The following CCSER1 variants were observed in gnomAD, a reference collection of about 807,000 sequenced individuals.
CCSER1 encodes the protein coiled-coil serine rich protein 1.
A neutral mutation model predicts 82.0 loss-of-function variants in CCSER1; 41 were observed. The observed-to-expected ratio is 0.50, with a 90% CI of 0.39 to 0.65. CCSER1 has a LOEUF of 0.65. CCSER1 is among the 30% of genes least tolerant of loss of function. The probability of loss-of-function intolerance (pLI) is 0.00; values close to 1 mark genes in which losing one functional copy is unlikely to be tolerated. For missense variants in CCSER1, 1,119 were observed against 1,064.2 expected (o/e 1.05, Z -0.72); for synonymous variants, 414 against 383.9 (o/e 1.08, Z -0.92).
At chr4:90,371,415 T>C in intron 3 of CCSER1, among the ~76,000 whole-genome samples, 1 of 152,104 alleles carries the variant, frequency 6.6e-6, no homozygotes, top group East Asian at 1.9e-4. Context: ...TGCCTTAAGA[T>C]ATGACATATT....
At chr4:90,710,272 TG>T (rs1342611829) in intron 6 of CCSER1, among the ~76,000 whole-genome samples, 3 of 152,046 alleles carry the variant, frequency 2.0e-5, no homozygotes, top group African/African-American at 7.2e-5. Context: ...GATAGTTTTT[TG>T]TTGTTGTTGT....
intron 5 of CCSER1, among the ~76,000 whole-genome samples, chr4:90,493,202 C>A (rs906177236): frequency 1.3e-5 from 2 of 151,930 alleles, no homozygotes; most frequent in African/African-American, 2.4e-5. Context: ...AGTGAGAAGA[C>A]AAGTTTAGAG....
At chr4:90,248,547 T>C (rs1246933718) in intron 1 of CCSER1, among the ~76,000 whole-genome samples, 2 of 152,100 alleles carry the variant, frequency 1.3e-5, no homozygotes, top group Non-Finnish European at 2.9e-5. Context: ...CTCAGGTCCT[T>C]AGGTAAATGT....
At chr4:90,535,218 G>A (rs1160394077) in intron 5 of CCSER1, among the ~76,000 whole-genome samples, 1 of 151,618 alleles carries the variant, frequency 6.6e-6, no homozygotes, top group Non-Finnish European at 1.5e-5. Context: ...TTTTTATTTA[G>A]CATTTTAAAA....
chr4:90,581,662 TG>T (rs1178458462), intron 5 of CCSER1, among the ~76,000 whole-genome samples: 1 of 152,186 alleles, frequency 6.6e-6, no homozygotes, highest in East Asian at 1.9e-4. Context: ...ATGGGTTCTA[TG>T]TCTGCCTCCT....
intron 1 of CCSER1, among the ~76,000 whole-genome samples, chr4:90,297,595 G>T (rs1732213531): frequency 6.7e-6 from 1 of 149,152 alleles, no homozygotes; most frequent in South Asian, 2.1e-4. Context: ...AATGCTTCCA[G>T]TTTTTGCCCA....
At chr4:91,358,689 C>CGG (rs1749035358) in intron 10 of CCSER1, among the ~76,000 whole-genome samples, 3 of 152,246 alleles carry the variant, frequency 2.0e-5, no homozygotes, top group South Asian at 4.1e-4. Flanking sequence ...CTAGTCTTAC[C>CGG]AAGTTTCAGA....
At chr4:91,142,168 G>A (rs1561581111) in intron 10 of CCSER1, among the ~76,000 whole-genome samples, 1 of 152,036 alleles carries the variant, frequency 6.6e-6, no homozygotes, top group Non-Finnish European at 1.5e-5. Context: ...TGAATCATGG[G>A]GGCAATTTCC....
chr4:91,257,670 T>G (rs1264929528), intron 10 of CCSER1, among the ~76,000 whole-genome samples: 1 of 152,126 alleles, frequency 6.6e-6, no homozygotes, highest in African/African-American at 2.4e-5. Context: ...AAAATAAACT[T>G]GTTTATTGTT....
intron 9 of CCSER1, among the ~76,000 whole-genome samples, chr4:90,976,015 T>C (rs1391267479): frequency 6.6e-6 from 1 of 151,300 alleles, no homozygotes; most frequent in Non-Finnish European, 1.5e-5. Context: ...TAACTTCTCA[T>C]TTAACTCCCT....
chr4:90,652,501 A>G (rs764028545), intron 6 of CCSER1, among the ~76,000 whole-genome samples: 29 of 152,182 alleles, frequency 1.9e-4, no homozygotes, highest in Non-Finnish European at 4.0e-4. Context: ...AAAATATGGC[A>G]TTTTGACATG....
At chr4:91,555,145 A>G (rs1762342626) in intron 10 of CCSER1, among the ~76,000 whole-genome samples, 1 of 151,132 alleles carries the variant, frequency 6.6e-6, no homozygotes, top group South Asian at 2.1e-4. Flanking sequence ...TTTTTTCAAT[A>G]TGACCCAGAG....
At chr4:90,623,177 G>A (rs953486859) in intron 5 of CCSER1, among the ~76,000 whole-genome samples, 11 of 151,464 alleles carry the variant, frequency 7.3e-5, no homozygotes, top group South Asian at 4.2e-4. Flanking sequence ...ACAGGCACCC[G>A]CCACCACTCC....
intron 5 of CCSER1, among the ~76,000 whole-genome samples, chr4:90,536,031 GTTTTTT>G (rs781671347): frequency 1.7e-5 from 2 of 117,202 alleles, no homozygotes; most frequent in Non-Finnish European, 1.7e-5. Flanking sequence ...CTTTCTTTCT[GTTTTTT>G]TTTTTTTTTT....
chr4:91,283,902 T>C (rs1396347838), intron 10 of CCSER1, among the ~76,000 whole-genome samples: 1 of 152,142 alleles, frequency 6.6e-6, no homozygotes, highest in Non-Finnish European at 1.5e-5. Flanking sequence ...ACTGTGTTCC[T>C]GTGCTGTAGC....
intron 9 of CCSER1, among the ~76,000 whole-genome samples, chr4:91,033,124 C>G (rs750482069): frequency 1.3e-5 from 2 of 151,962 alleles, no homozygotes; most frequent in Non-Finnish European, 1.5e-5. Context: ...GTAAGTAATA[C>G]TATTCTACCT....
chr4:90,375,132 T>C (rs1370615134), intron 3 of CCSER1, among the ~76,000 whole-genome samples: 14 of 152,186 alleles, frequency 9.2e-5, no homozygotes, highest in Admixed American at 9.2e-4. Context: ...CTCTGAGTAG[T>C]ATCTCAGCCA....
chr4:90,724,006 A>G lies in CCSER1; in HGVS notation c.2010+15A>G, dbSNP rs1358077035. 1.4e-6 allele frequency: 2 copies of G among 1,460,036 alleles called. No homozygotes were observed. The highest frequency in any genetic ancestry group is 1.4e-5 in the African/African-American group (1 of 71,420). 90.4% of individuals were successfully genotyped at this position (1,460,036 alleles called of 1,614,324 possible). ...TGCCTTTCAAGGTAAAAAACAAACAAGAAAGCATTATTTATAAAAATATTA... is the reference window on the plus strand; with the variant it reads ...TGCCTTTCAAGGTAAAAAACAAACAGGAAAGCATTATTTATAAAAATATTA... On this transcript the variant is annotated intron_variant, in intron 7 of 10. Coordinates refer to ENST00000509176, the MANE Select transcript of CCSER1 (RefSeq NM_001145065.2).
chr4:90,581,892 A>AT (rs1221912942), intron 5 of CCSER1, among the ~76,000 whole-genome samples: 5 of 150,178 alleles, frequency 3.3e-5, no homozygotes, highest in African/African-American at 4.9e-5. Flanking sequence ...TTTTTTTGTG[A>AT]TTTTTTCACA....
Sources: allele counts gnomAD v4.1 joint callset (sites outside exome capture counted in the v4.1 genomes callset), GRCh38; gene constraint gnomAD v4.1.1; transcripts MANE v1.5; gene names NCBI Gene and HGNC (gene_info 2026-07-23, HGNC 2026-07-21).